Variants in PIK3CB observed in about 807,000 individuals in gnomAD.
PIK3CB encodes phosphatidylinositol 4,5-bisphosphate 3-kinase catalytic subunit beta isoform.
A neutral mutation model predicts 136.8 loss-of-function variants in PIK3CB; 39 were observed. That is an observed-to-expected ratio of 0.29 (90% CI 0.22 to 0.37). PIK3CB has a LOEUF of 0.37. Ranked by LOEUF, PIK3CB falls within the 10% of genes least tolerant of loss-of-function variation. The pLI, the probability that PIK3CB is intolerant of heterozygous loss-of-function variation, is 1.00. For missense variants in PIK3CB, 868 were observed against 1,275.4 expected (o/e 0.68, Z 4.87); for synonymous variants, 428 against 436.6 (o/e 0.98, Z 0.25).
chr3:138,702,787 C>T (rs1325050572), intron 12 of PIK3CB, among the ~76,000 whole-genome samples: 4 of 151,982 alleles, frequency 2.6e-5, no homozygotes, highest in Non-Finnish European at 5.9e-5. Context: ...CATTTTTTTA[C>T]ACTAGTCTCT....
intron 1 of PIK3CB, among the ~76,000 whole-genome samples, chr3:138,809,234 C>T (rs1206526292): frequency 6.6e-6 from 1 of 151,518 alleles, no homozygotes; most frequent in African/African-American, 2.4e-5. Context: ...ACCGAGACTG[C>T]GCCACTGCAC....
chr3:138,695,217 A>G (rs1047795732), intron 13 of PIK3CB, among the ~76,000 whole-genome samples: 3 of 152,226 alleles, frequency 2.0e-5, no homozygotes, highest in African/African-American at 7.2e-5. Context: ...CTTATTCCTT[A>G]GTATTTAATT....
Position 138,740,269 on chromosome 3 carries a change from A to G in PIK3CB, c.621+2289T>C, listed in dbSNP as rs60085546. 8.6e-3 allele frequency among the ~76,000 whole-genome samples: 1,306 copies of G among 152,284 alleles called. 26 individuals carry two copies. Among genetic ancestry groups the G allele is most frequent in the African/African-American group, 0.028 (1,183 of 41,562 alleles). ...AGCTACTCAGGAAGCTGAGTCAGGG[A>G]ATCCCTTGAACCTGAAACGGGGCAG... is the stretch of plus-strand genomic sequence containing the variant. On this transcript the variant is annotated intron_variant, in intron 5 of 23. Transcript: ENST00000674063.
At chr3:138,797,817 T>C (rs1242626544) in intron 1 of PIK3CB, among the ~76,000 whole-genome samples, 2 of 151,616 alleles carry the variant, frequency 1.3e-5, no homozygotes, top group East Asian at 3.9e-4. Flanking sequence ...GGGCCAGGAG[T>C]GGAGACATGT....
chr3:138,679,748 AATTATTATT>A (rs59677449), intron 19 of PIK3CB, among the ~76,000 whole-genome samples: 11 of 141,434 alleles, frequency 7.8e-5, no homozygotes, highest in African/African-American at 2.3e-4. Context: ...ATGCCTGGCT[AATTATTATT>A]ATTATTATTA....
rs1041070364 is a variant in PIK3CB at position 138,680,272 on chromosome 3, C to T, written c.2504+1695G>A. Reference sequence around the variant, plus strand: ...ACTCGCGAGGCTGAGGCAGGAGAATCACTTGAACTCAGGAGGCGGAGGCTG... The same window carrying T: ...ACTCGCGAGGCTGAGGCAGGAGAATTACTTGAACTCAGGAGGCGGAGGCTG... On this transcript the variant is annotated intron_variant, in intron 19 of 23. Coordinates refer to ENST00000674063, the MANE Select transcript of PIK3CB (RefSeq NM_006219.3). 9.9e-5 allele frequency among the ~76,000 whole-genome samples: 15 copies of T among 151,648 alleles called. No homozygotes were observed. The East Asian group carries it at 2.9e-3, about 30-fold the overall frequency.
rs878900485 is a variant in PIK3CB, at chr3:138,778,861, T to A, written c.-17+17602A>T. The A allele has an allele frequency of 9.0e-5, 16 of 178,508 alleles. No homozygotes were observed. The South Asian group carries it at 1.9e-3, about 21-fold the overall frequency. The allele number at this position is 178,508 out of a possible 1,614,324, so 11.1% of individuals were successfully genotyped here. ...TGTAAGTAAGAGAGAGGCCCTCAGC[T>A]GCTGTGCAGTCCTGCCCCACTCAGT... On this transcript the variant is annotated intron_variant, in intron 2 of 23. Coordinates refer to ENST00000674063, the MANE Select transcript of PIK3CB (RefSeq NM_006219.3).
intron 1 of PIK3CB, among the ~76,000 whole-genome samples, chr3:138,805,603 C>T (rs551754892): frequency 4.2e-4 from 63 of 151,500 alleles, no homozygotes; most frequent in Non-Finnish European, 6.9e-4. Flanking sequence ...ACCTGGGAGG[C>T]GGAGCTTGCA....
chr3:138,759,456 T>G (rs2045631015), intron 2 of PIK3CB, 97 bp from the exon 3 acceptor site: 1 of 729,742 alleles, frequency 1.4e-6, no homozygotes, highest in African/African-American at 1.7e-5. Flanking sequence ...GTCCTTAGAT[T>G]TCAATATAGC....
At chr3:138,732,968 G>A (rs1366883044) in intron 8 of PIK3CB, among the ~76,000 whole-genome samples, 1 of 151,190 alleles carries the variant, frequency 6.6e-6, no homozygotes, top group Non-Finnish European at 1.5e-5. Flanking sequence ...ATAGTCTTCG[G>A]GTTGTACATT....
In PIK3CB at chr3:138,653,913, C is replaced by A. The variant is rs749961688; in HGVS notation, c.*1476G>T. On this transcript the variant is annotated 3_prime_UTR_variant, in exon 24 of 24. Transcript: ENST00000674063. ...AAGTCAGGGAAGAGGCCATAATAAG[C>A]CTTAGCCTATTCCTGAGGTTGGTTT... 3.5e-4 allele frequency: 69 copies of A among 198,940 alleles called. No homozygotes were observed. In the South Asian group the frequency reaches 3.6e-3, roughly 10 times the overall value. 12.3% of individuals were successfully genotyped at this position (198,940 alleles called of 1,614,324 possible).
chr3:138,717,230 G>A (rs1171350672), intron 8 of PIK3CB, among the ~76,000 whole-genome samples: 1 of 150,592 alleles, frequency 6.6e-6, no homozygotes, highest in Non-Finnish European at 1.5e-5. Flanking sequence ...CTCCAGTCTG[G>A]GCAACAGAGT....
At chr3:138,731,572 G>A (rs1457514590) in intron 8 of PIK3CB, among the ~76,000 whole-genome samples, 3 of 151,736 alleles carry the variant, frequency 2.0e-5, no homozygotes, top group African/African-American at 7.3e-5. Flanking sequence ...TTTTTCATTT[G>A]TTGCAACAAT....
chr3:138,798,047 G>A (rs530882136), intron 1 of PIK3CB, among the ~76,000 whole-genome samples: 63 of 152,278 alleles, frequency 4.1e-4, no homozygotes, highest in African/African-American at 1.5e-3. Flanking sequence ...CTGTGCAAGG[G>A]GGAAGGTGGG....
intron 4 of PIK3CB, among the ~76,000 whole-genome samples, chr3:138,755,512 C>A (rs1213398565): frequency 1.3e-5 from 2 of 151,974 alleles, no homozygotes; most frequent in Non-Finnish European, 2.9e-5. Context: ...AATCATTAGA[C>A]AACAAAAACA....
intron 19 of PIK3CB, among the ~76,000 whole-genome samples, chr3:138,679,748 A>AATTATTATTATTATTATTATT (rs59677449): frequency 1.1e-4 from 16 of 141,462 alleles, no homozygotes; most frequent in African/African-American, 2.5e-4. Flanking sequence ...ATGCCTGGCT[A>AATTATTATTATTATTATTATT]ATTATTATTA....
chr3:138,733,218 C>G, intron 8 of PIK3CB, 143 bp downstream of exon 8: 1 of 418,450 alleles, frequency 2.4e-6, no homozygotes, highest in Admixed American at 4.3e-5. Context: ...TCTCAATAGT[C>G]TTATAATAAA....
At chr3:138,813,310 T>A (rs76028527) in intron 1 of PIK3CB, among the ~76,000 whole-genome samples, 17 of 152,142 alleles carry the variant, frequency 1.1e-4, no homozygotes, top group Non-Finnish European at 2.2e-4. Context: ...AGTGATACAG[T>A]TCCCAAAGAT....
chr3:138,656,463 A>G (rs1387772793), intron 22 of PIK3CB, among the ~76,000 whole-genome samples, 189 bp from the exon 23 acceptor site: 1 of 152,206 alleles, frequency 6.6e-6, no homozygotes, highest in African/African-American at 2.4e-5. Flanking sequence ...TAAAACAATC[A>G]ATCTCTCTAA....
Sources: allele counts gnomAD v4.1 joint callset (sites outside exome capture counted in the v4.1 genomes callset), GRCh38; gene constraint gnomAD v4.1.1; transcripts MANE v1.5; gene names NCBI Gene and HGNC (gene_info 2026-07-23, HGNC 2026-07-21).